Variants in ABCA13 observed in about 807,000 individuals in gnomAD.
The protein encoded by ABCA13 is ATP binding cassette subfamily A member 13, also known as ATP-binding cassette sub-family A member 13.
In ABCA13, 476 loss-of-function variants were observed where a neutral mutation model predicts 478.7. The observed-to-expected ratio is 0.99, with a 90% confidence interval of 0.92 to 1.07. ABCA13 has a LOEUF of 1.07. Among genes scored for constraint, ABCA13 ranks in the 50% least tolerant of loss-of-function variants. The pLI, the probability that ABCA13 is intolerant of heterozygous loss-of-function variation, is 0.00. For missense variants in ABCA13, 6,060 were observed against 5,910.6 expected, an observed-to-expected ratio of 1.03 and a Z score of -0.83; for synonymous variants, 2,252 against 2,158.9, an observed-to-expected ratio of 1.04 and a Z score of -1.20.
intron 59 of ABCA13, among the ~76,000 whole-genome samples, chr7:48,618,710 T>C (rs571757693): frequency 6.6e-6 from 1 of 152,286 alleles, no homozygotes; most frequent in South Asian, 2.1e-4. Flanking sequence ...CTGTGCAGCA[T>C]AGGGGTTGTC....
chr7:48,577,215 G>C (rs1485356729), intron 55 of ABCA13, among the ~76,000 whole-genome samples: 3 of 151,314 alleles, frequency 2.0e-5, no homozygotes, highest in Non-Finnish European at 4.4e-5. Context: ...TAGAAGAAAA[G>C]AAATGATAAA....
chr7:48,281,506 A>G (rs1797031578), intron 19 of ABCA13, 54 bp downstream of exon 19: 2 of 1,462,858 alleles, frequency 1.4e-6, no homozygotes, highest in African/African-American at 2.8e-5. Context: ...AGTTTTCAGA[A>G]CTCAGGTGTC....
chr7:48,375,501 A>G (rs1200964945), intron 34 of ABCA13, among the ~76,000 whole-genome samples: 1 of 152,240 alleles, frequency 6.6e-6, no homozygotes, highest in Non-Finnish European at 1.5e-5. Flanking sequence ...ATGCAGGCTA[A>G]AATGATTTTC....
At chr7:48,254,139 A>C (rs1793015020) in intron 15 of ABCA13, among the ~76,000 whole-genome samples, 1 of 151,718 alleles carries the variant, frequency 6.6e-6, no homozygotes. Flanking sequence ...TAGAATTTTC[A>C]TTTTATTTTA....
chr7:48,283,093 T>G (rs915505101), intron 19 of ABCA13, among the ~76,000 whole-genome samples: 1 of 152,018 alleles, frequency 6.6e-6, no homozygotes, highest in African/African-American at 2.4e-5. Flanking sequence ...GAGCAAACTG[T>G]GGGGGCCTGG....
chr7:48,372,533 A>G, intron 33 of ABCA13, 36 bp downstream of exon 33: 2 of 1,341,280 alleles, frequency 1.5e-6, no homozygotes, highest in East Asian at 4.7e-5. Context: ...AAAAAAAAAA[A>G]CAACAAAATT....
chr7:48,387,019 T>C (rs975430808), intron 35 of ABCA13, among the ~76,000 whole-genome samples: 1 of 152,136 alleles, frequency 6.6e-6, no homozygotes, highest in Non-Finnish European at 1.5e-5. Context: ...TGGATACATG[T>C]GCTCTCCTTT....
intron 52 of ABCA13, among the ~76,000 whole-genome samples, chr7:48,517,536 T>C (rs1277992689): frequency 6.6e-6 from 1 of 152,158 alleles, no homozygotes; most frequent in Non-Finnish European, 1.5e-5. Context: ...CCAGCTGGTG[T>C]CTAGGTCAAG....
chr7:48,416,823 C>T (rs1276234619), intron 41 of ABCA13, among the ~76,000 whole-genome samples: 1 of 152,012 alleles, frequency 6.6e-6, no homozygotes, highest in East Asian at 1.9e-4. Flanking sequence ...GATGTCTGCC[C>T]CTTCCCCACT....
chr7:48,368,687 G>GTATATA (rs201820250), intron 32 of ABCA13, among the ~76,000 whole-genome samples: 1,643 of 122,684 alleles, frequency 0.013, 13 homozygotes, highest in Non-Finnish European at 0.019. Flanking sequence ...GTGTGTATGT[G>GTATATA]TATATATATA....
At chr7:48,402,964 A>T (rs995264733) in intron 38 of ABCA13, among the ~76,000 whole-genome samples, 1 of 152,240 alleles carries the variant, frequency 6.6e-6, no homozygotes, top group Non-Finnish European at 1.5e-5. Flanking sequence ...TGATGAGGGC[A>T]GTAAGTATTC....
At chr7:48,280,224 C>T (rs1796854117) in intron 18 of ABCA13, among the ~76,000 whole-genome samples, 1 of 152,322 alleles carries the variant, frequency 6.6e-6, no homozygotes, top group South Asian at 2.1e-4. Flanking sequence ...GTTGCATAAA[C>T]AATTTTTCTG....
chr7:48,484,496 C>T (rs1455564873), intron 47 of ABCA13, among the ~76,000 whole-genome samples: 1 of 152,194 alleles, frequency 6.6e-6, no homozygotes, highest in Non-Finnish European at 1.5e-5. Context: ...CTGTTCATTT[C>T]CTCTACAAAT....
chr7:48,256,245 G>A (rs1215416968), intron 15 of ABCA13, among the ~76,000 whole-genome samples: 1 of 151,922 alleles, frequency 6.6e-6, no homozygotes, highest in South Asian at 2.1e-4. Context: ...GTTCTGTAGG[G>A]TGTCTGTTTA....
intron 42 of ABCA13, among the ~76,000 whole-genome samples, chr7:48,435,999 G>T (rs780897230): frequency 1.3e-5 from 2 of 149,890 alleles, no homozygotes; most frequent in Non-Finnish European, 3.0e-5. Flanking sequence ...AGTTCCTTTG[G>T]CTTCATAACT....
rs559015441 is a variant in ABCA13, at chr7:48,288,184, A to T, written c.8955+106A>T. 17 of 1,008,506 alleles carry T rather than the reference A, an allele frequency of 1.7e-5. No individual in the cohort carries two copies. In the Admixed American group the frequency reaches 2.5e-4, roughly 15 times the overall value. 62.5% of individuals were successfully genotyped at this position (1,008,506 alleles called of 1,614,324 possible). ...CTGCTTCGTTCTTATAACTACAGCA[A>T]TGGTGTCATACACAGTCTTGTTGCA... On this transcript the variant is annotated intron_variant, in intron 20 of 61. Transcript: ENST00000435803.
chr7:48,181,257 G>A (rs1161493263), intron 1 of ABCA13, among the ~76,000 whole-genome samples: 2 of 152,078 alleles, frequency 1.3e-5, no homozygotes, highest in African/African-American at 4.8e-5. Context: ...TATATAACTT[G>A]CCCATCAAAT....
intron 42 of ABCA13, among the ~76,000 whole-genome samples, chr7:48,447,971 T>C (rs1824508148): frequency 6.6e-6 from 1 of 152,166 alleles, no homozygotes; most frequent in South Asian, 2.1e-4. Flanking sequence ...TCTTCTTTTT[T>C]TCAGCTATAT....
intron 59 of ABCA13, among the ~76,000 whole-genome samples, chr7:48,631,583 A>T (rs912856260): frequency 7.9e-5 from 12 of 152,086 alleles, no homozygotes; most frequent in Non-Finnish European, 1.6e-4. Flanking sequence ...AATTCAGATA[A>T]TGTAATGGCT....
Sources: gnomAD v4.1 joint callset for allele counts (sites outside exome capture counted in the v4.1 genomes callset) on GRCh38, gnomAD v4.1.1 for gene constraint, MANE v1.5 for transcripts, NCBI Gene and HGNC (gene_info 2026-07-23, HGNC 2026-07-21) for gene names.